QNG1: variants seen among roughly 807,000 people sequenced by gnomAD.
QNG1 encodes queuosine 5'-phosphate N-glycosylase/hydrolase.
the QNG1 span, chr9:83,955,279 A>G: frequency 1.7e-6 from 2 of 1,191,434 alleles, no homozygotes; most frequent in Admixed American, 2.5e-5. Flanking sequence ...CAAGGAATAC[A>G]TTTAAAAATT....
chr9:83,946,262 A>G, the QNG1 span, among the ~76,000 whole-genome samples: 1 of 152,106 alleles, frequency 6.6e-6, no homozygotes, highest in African/African-American at 2.4e-5. Context: ...CCGAGATCGC[A>G]CCACTGCACT....
chr9:83,940,533 T>G, the QNG1 span, among the ~76,000 whole-genome samples: 2 of 151,460 alleles, frequency 1.3e-5, no homozygotes, highest in Non-Finnish European at 2.9e-5. Context: ...GAGACTAGAG[T>G]AGGACTCATG....
the QNG1 span, among the ~76,000 whole-genome samples, chr9:83,954,466 C>T: frequency 6.6e-6 from 1 of 152,090 alleles, no homozygotes; most frequent in Non-Finnish European, 1.5e-5. Flanking sequence ...CCTGTAGTCC[C>T]AGCTACTCAG....
the QNG1 span, among the ~76,000 whole-genome samples, chr9:83,952,587 GATCAAGACC>G: frequency 6.6e-6 from 1 of 152,030 alleles, no homozygotes; most frequent in East Asian, 1.9e-4. Flanking sequence ...CAGGTCAGGA[GATCAAGACC>G]ATCCTGGCTA....
chr9:83,955,740 G>A, the QNG1 span: 6 of 1,137,560 alleles, frequency 5.3e-6, no homozygotes, highest in African/African-American at 7.8e-5. Flanking sequence ...CCAAATGAGT[G>A]GTATAGGAAT....
At chr9:83,953,593 G>T in the QNG1 span, 14 of 479,270 alleles carry the variant, frequency 2.9e-5, no homozygotes, top group South Asian at 2.6e-4. Context: ...TGATCTACCC[G>T]CCTTGGCCCC....
At chr9:83,949,632 A>ATGAAACTC in the QNG1 span, among the ~76,000 whole-genome samples, 7 of 152,266 alleles carry the variant, frequency 4.6e-5, no homozygotes, top group East Asian at 1.3e-3. Context: ...GGCAACAAGA[A>ATGAAACTC]TGAAACTCTG....
At chr9:83,944,758 T>G in the QNG1 span, 5 of 1,504,088 alleles carry the variant, frequency 3.3e-6, no homozygotes, top group South Asian at 3.7e-5. Context: ...ATCCAACAAT[T>G]CATAGTATAA....
At chr9:83,956,710 G>C in the QNG1 span, 2 of 436,194 alleles carry the variant, frequency 4.6e-6, no homozygotes, top group Non-Finnish European at 8.0e-6. Flanking sequence ...AGACCCCGGG[G>C]CAGCTCGCTG....
chr9:83,953,655 T>C, the QNG1 span: 1 of 655,128 alleles, frequency 1.5e-6, no homozygotes. Context: ...CAATTTCTTT[T>C]ATTTTTTCTT....
the QNG1 span, among the ~76,000 whole-genome samples, chr9:83,950,906 A>C: frequency 6.6e-6 from 1 of 152,042 alleles, no homozygotes; most frequent in African/African-American, 2.4e-5. Flanking sequence ...TGGACAGTTA[A>C]GTTTTTTGAA....
the QNG1 span, among the ~76,000 whole-genome samples, chr9:83,950,314 C>T: frequency 1.3e-5 from 2 of 151,978 alleles, no homozygotes; most frequent in East Asian, 3.9e-4. Context: ...TCCCAAAGTG[C>T]AAGGATTACA....
the QNG1 span, chr9:83,956,625 G>A: frequency 8.1e-6 from 6 of 741,678 alleles, no homozygotes; most frequent in African/African-American, 1.8e-5. Flanking sequence ...CCCTGCCAGG[G>A]AGTGGCACCG....
the QNG1 span, chr9:83,956,507 C>T: frequency 2.6e-6 from 4 of 1,518,120 alleles, no homozygotes; most frequent in Non-Finnish European, 3.5e-6. Context: ...CCATTCTGCC[C>T]TTTGGGACCC....
the QNG1 span, chr9:83,953,912 A>G: frequency 8.4e-5 from 88 of 1,046,568 alleles, no homozygotes; most frequent in Non-Finnish European, 1.2e-4. Flanking sequence ...TACTTTTTTG[A>G]GATAGAGTCT....
chr9:83,944,950 C>T, the QNG1 span: 93 of 1,612,046 alleles, frequency 5.8e-5, no homozygotes, highest in Middle Eastern at 5.0e-4. Flanking sequence ...GTATCTGCTA[C>T]AAGGATTTGG....
chr9:83,939,885 A>G, the QNG1 span: 3 of 638,054 alleles, frequency 4.7e-6, no homozygotes, highest in South Asian at 3.9e-5. Flanking sequence ...GGTAATTTAA[A>G]TCATTTCAAA....
At chr9:83,956,410 C>T in the QNG1 span, 15 of 1,593,486 alleles carry the variant, frequency 9.4e-6, no homozygotes, top group East Asian at 2.2e-5. Context: ...AGCTCTGCCA[C>T]CCTCCGTACG....
the QNG1 span, chr9:83,955,538 T>C: frequency 3.7e-6 from 6 of 1,614,206 alleles, no homozygotes; most frequent in South Asian, 6.6e-5. Flanking sequence ...CCGATGCCTC[T>C]CTTCTACTAA....
Sources: gnomAD v4.1 joint callset for allele counts (sites outside exome capture counted in the v4.1 genomes callset) on GRCh38, gnomAD v4.1.1 for gene constraint, MANE v1.5 for transcripts, NCBI Gene and HGNC (gene_info 2026-07-23, HGNC 2026-07-21) for gene names.